RAB39A: variants seen among roughly 807,000 people sequenced by gnomAD.
RAB39A encodes the protein ras-related protein Rab-39A.
In RAB39A, 17 loss-of-function variants were observed where a neutral mutation model predicts 20.9. That is an observed-to-expected ratio of 0.81 (90% confidence interval 0.56 to 1.22). The LOEUF is 1.22. Among genes scored for constraint, RAB39A ranks in the 50% most tolerant of loss-of-function variants. The pLI is 0.00. For synonymous variants in RAB39A, 99 were observed against 103.4 expected, an observed-to-expected ratio of 0.96 and a Z score of 0.26; for missense variants, 234 against 270.5, an observed-to-expected ratio of 0.87 and a Z score of 0.95.
chr11:107,944,705 A>G (rs1338233413), intron 1 of RAB39A, among the ~76,000 whole-genome samples: 1 of 152,028 alleles, frequency 6.6e-6, no homozygotes, highest in African/African-American at 2.4e-5. Context: ...TAATCAAACA[A>G]TTGCAGAAAA....
At chr11:107,959,351 G>A (rs1011948273) in intron 1 of RAB39A, among the ~76,000 whole-genome samples, 1 of 152,132 alleles carries the variant, frequency 6.6e-6, no homozygotes, top group South Asian at 2.1e-4. Context: ...TTTCTCTTAA[G>A]ACACTGCACA....
chr11:107,944,465 G>A (rs751634801), intron 1 of RAB39A, among the ~76,000 whole-genome samples: 9 of 152,034 alleles, frequency 5.9e-5, no homozygotes, highest in African/African-American at 1.2e-4. Context: ...AAATAATCTC[G>A]GCTCAAGGCA....
chr11:107,953,392 C>G (rs1861401834), intron 1 of RAB39A, among the ~76,000 whole-genome samples: 2 of 152,086 alleles, frequency 1.3e-5, no homozygotes, highest in African/African-American at 4.8e-5. Flanking sequence ...GGTGCAGAGA[C>G]TTGATGGGAA....
intron 1 of RAB39A, among the ~76,000 whole-genome samples, chr11:107,945,084 G>C (rs1250881143): frequency 6.6e-6 from 1 of 151,972 alleles, no homozygotes; most frequent in Non-Finnish European, 1.5e-5. Context: ...TTGGGAGGCT[G>C]AGGCAGGAGA....
Position 107,928,916 on chromosome 11 carries a change from G to A in RAB39A, c.227+121G>A, listed in dbSNP as rs577053033. On this transcript the variant is annotated intron_variant, in intron 1 of 1. Transcript: ENST00000320578. The surrounding 1 kb of genome is among the most constrained non-coding windows in gnomAD (Gnocchi z 4.9). ...AGGCTCTGGCCCTTCCCTCTCGAAA[G>A]TGCAAACACTCCATTCTCGCTTCCC... 2.7e-4 allele frequency: 189 copies of A among 687,636 alleles called. No individual in the cohort carries two copies. Among genetic ancestry groups the A allele is most frequent in the African/African-American group, 2.2e-3 (121 of 54,572 alleles). 42.6% of individuals were successfully genotyped at this position (687,636 alleles called of 1,614,324 possible). A position where few individuals can be genotyped will look rare whatever the true frequency, so the allele number is the denominator to read the frequency against.
chr11:107,962,102 A>T lies in RAB39A; in HGVS notation c.384A>T (p.Lys128Asn). 11 of 1,614,174 alleles carry T rather than the reference A, an allele frequency of 6.8e-6. No individual in the cohort carries two copies. The highest frequency in any genetic ancestry group is 1.3e-5 in the African/African-American group (1 of 75,050). The change falls in exon 2 of 2, where the codon AAA (lysine) becomes AAT (asparagine). Residue 128 changes from lysine to asparagine, a missense_variant. Physicochemically the swap from Lys to Asn is moderately conservative, Grantham distance 94 (BLOSUM62 0). Coordinates refer to ENST00000320578, the MANE Select transcript of RAB39A (RefSeq NM_017516.3). Reference sequence around the variant, plus strand: ...TTGTATTTCTGCTAGTGGGACATAAATGTGATTTAGCTTCACAACGTCAAG... The same window carrying T: ...TTGTATTTCTGCTAGTGGGACATAATTGTGATTTAGCTTCACAACGTCAAG... Reference protein sequence around the residue: ...FRIVFLLVGHKCDLASQRQVT... With the variant: ...FRIVFLLVGHNCDLASQRQVT...
At chr11:107,954,280 A>G (rs1861411535) in intron 1 of RAB39A, among the ~76,000 whole-genome samples, 1 of 152,142 alleles carries the variant, frequency 6.6e-6, no homozygotes, top group East Asian at 1.9e-4. Context: ...AAGTGGGATA[A>G]AAATACTGTT....
chr11:107,956,027 G>C (rs1467390000), intron 1 of RAB39A, among the ~76,000 whole-genome samples: 1 of 151,788 alleles, frequency 6.6e-6, no homozygotes, highest in East Asian at 1.9e-4. Flanking sequence ...TATTTTCATT[G>C]GATATATCTT....
chr11:107,938,564 T>TAAGA (rs1555096453), intron 1 of RAB39A, among the ~76,000 whole-genome samples: 2 of 95,246 alleles, frequency 2.1e-5, no homozygotes, highest in Non-Finnish European at 3.9e-5. Context: ...ACCTCGTCTA[T>TAAGA]AAAAAAAAAA....
At chr11:107,935,720 A>G (rs956764863) in intron 1 of RAB39A, among the ~76,000 whole-genome samples, 1 of 151,716 alleles carries the variant, frequency 6.6e-6, no homozygotes, top group African/African-American at 2.4e-5. Flanking sequence ...GCAAGAATCG[A>G]TATTATTATC....
chr11:107,956,612 C>T (rs1482998410), intron 1 of RAB39A, among the ~76,000 whole-genome samples: 1 of 152,152 alleles, frequency 6.6e-6, no homozygotes, highest in South Asian at 2.1e-4. Context: ...TCCATTTCTT[C>T]CTATAGTAGA....
intron 1 of RAB39A, among the ~76,000 whole-genome samples, chr11:107,955,438 A>G (rs922010485): frequency 1.4e-4 from 22 of 152,164 alleles, no homozygotes; most frequent in African/African-American, 5.3e-4. Flanking sequence ...GTGGGCTTGC[A>G]CTGTAGCTTG....
At chr11:107,941,487 A>G (rs1274724019) in intron 1 of RAB39A, among the ~76,000 whole-genome samples, 2 of 152,162 alleles carry the variant, frequency 1.3e-5, no homozygotes, top group Non-Finnish European at 2.9e-5. Flanking sequence ...ATACTTGATT[A>G]CTATATTTTA....
At position 107,962,076 on chromosome 11, in the gene RAB39A, A is replaced by T; in HGVS notation, c.358A>T (p.Ile120Phe). The change falls in exon 2 of 2, where the codon ATT (isoleucine) becomes TTT (phenylalanine). Residue 120 changes from isoleucine to phenylalanine, a missense_variant. Transcript: ENST00000320578. ...EAKMYVQPFR[I>F]VFLLVGHKCD... The stretch of plus-strand genomic sequence containing the variant: ...AAAAATGTATGTACAGCCATTTCGG[A>T]TTGTATTTCTGCTAGTGGGACATAA... The T allele has an allele frequency of 1.2e-6, 2 of 1,614,130 alleles. No homozygotes were observed. Among genetic ancestry groups the T allele is most frequent in the Non-Finnish European group, 1.7e-6 (2 of 1,180,002 alleles).
At chr11:107,941,636 G>A in intron 1 of RAB39A, among the ~76,000 whole-genome samples, 1 of 152,114 alleles carries the variant, frequency 6.6e-6, no homozygotes, top group East Asian at 1.9e-4. Context: ...CTTGTTTTAA[G>A]CACAAAGCCT....
chr11:107,936,119 C>T (rs879836485), intron 1 of RAB39A, among the ~76,000 whole-genome samples: 1 of 151,902 alleles, frequency 6.6e-6, no homozygotes, highest in Non-Finnish European at 1.5e-5. Flanking sequence ...AGGCTGGTCT[C>T]GAATTCCTGA....
chr11:107,958,253 T>C (rs1437983033), intron 1 of RAB39A, among the ~76,000 whole-genome samples: 2 of 152,200 alleles, frequency 1.3e-5, no homozygotes, highest in Non-Finnish European at 2.9e-5. Context: ...CTACAAGAGA[T>C]TGTTGCTTAA....
intron 1 of RAB39A, among the ~76,000 whole-genome samples, chr11:107,943,145 TAAG>T (rs955038841): frequency 9.2e-5 from 14 of 152,180 alleles, no homozygotes; most frequent in African/African-American, 2.7e-4. Flanking sequence ...CCTTGTTAGA[TAAG>T]AAGAAGTGTT....
chr11:107,946,223 G>C (rs182635405), intron 1 of RAB39A, among the ~76,000 whole-genome samples: 1 of 142,720 alleles, frequency 7.0e-6, no homozygotes, highest in African/African-American at 2.6e-5. Flanking sequence ...GGGAAAAAGA[G>C]AATGTTAAAA....
Sources: allele counts gnomAD v4.1 joint callset (sites outside exome capture counted in the v4.1 genomes callset), GRCh38; gene constraint gnomAD v4.1.1; non-coding constraint Gnocchi (gnomAD v3.1); transcripts MANE v1.5; gene names NCBI Gene and HGNC (gene_info 2026-07-23, HGNC 2026-07-21).